ZNF350: variants seen among roughly 807,000 people sequenced by gnomAD.
The protein encoded by ZNF350 is zinc finger protein 350.
ZNF350 carries 5 observed loss-of-function variants against 13.1 expected under a neutral mutation model. The observed-to-expected ratio is 0.38, with a 90% CI of 0.20 to 0.80. ZNF350 has a LOEUF of 0.80. Among genes scored for constraint, ZNF350 ranks in the 30% least tolerant of loss-of-function variants. The pLI is 0.43. For missense variants in ZNF350, 534 were observed against 644.2 expected (o/e 0.83, Z 1.85); for synonymous variants, 199 against 224.2 (o/e 0.89, Z 1.00).
At chr19:51,967,419 T>G (rs1314444705) in intron 4 of ZNF350, 1 of 151,670 alleles carries the variant, frequency 6.6e-6, no homozygotes, top group Admixed American at 6.6e-5. Flanking sequence ...AAAAATAAAT[T>G]AATAAAAATA....
In ZNF350 at chr19:51,965,080, T is replaced by A. The variant is rs200076630; in HGVS notation, c.1373A>T (p.Asn458Ile). ...SDVMQEKNSA[N>I]GATTQVPSVA... ...AGAAGGCACTTGTGTAGTCGCCCCG[T>A]TAGCAGAGTTTTTCTCCTGCATGAC... Residue 458 changes from asparagine (N) to isoleucine (I), a missense_variant, in exon 5 of 5, where the codon AAC (asparagine) becomes ATC (isoleucine). Coordinates refer to ENST00000243644, the MANE Select transcript of ZNF350 (RefSeq NM_021632.4). 6 of 1,614,198 alleles carry A rather than the reference T, an allele frequency of 3.7e-6. No homozygotes were observed. Among genetic ancestry groups the A allele is most frequent in the Non-Finnish European group, 4.2e-6 (5 of 1,180,040 alleles).
Position 51,965,658 on chromosome 19 carries a change from A to T in ZNF350, c.795T>A (p.Pro265=), listed in dbSNP as rs1474400420. ...TCTTGAGAAAGGCTTTGCCACATTC[A>T]GGGCATTCATAAGGTTTTTCTCCTG... The part of the protein sequence containing the change: ...THTGEKPYEC[P]ECGKAFLKKS... The change falls in exon 5 of 5, where the codon CCT becomes CCA. Residue 265 remains proline, a synonymous_variant. Coordinates refer to ENST00000243644, the MANE Select transcript of ZNF350 (RefSeq NM_021632.4). 1 of 1,614,190 alleles carries T rather than the reference A, an allele frequency of 6.2e-7. No homozygotes were observed. The highest frequency in any genetic ancestry group is 8.5e-7 in the Non-Finnish European group (1 of 1,180,034).
In ZNF350 at chr19:51,965,086, G is replaced by C. The variant is rs745878690; in HGVS notation, c.1367C>G (p.Ser456Cys). The change falls in exon 5 of 5, where the codon TCT (serine) becomes TGT (cysteine). Residue 456 changes from serine (S) to cysteine (C), a missense_variant. Transcript: ENST00000243644. ...HTSDVMQEKN[S>C]ANGATTQVPS... ...CACTTGTGTAGTCGCCCCGTTAGCA[G>C]AGTTTTTCTCCTGCATGACATCACT... The C allele has an allele frequency of 9.0e-5, 145 of 1,614,060 alleles. No homozygotes were observed. Among genetic ancestry groups the C allele is most frequent in the Non-Finnish European group, 1.2e-4 (143 of 1,180,046 alleles).
chr19:51,970,020 G>A (rs1296847265), intron 2 of ZNF350, among the ~76,000 whole-genome samples: 1 of 149,962 alleles, frequency 6.7e-6, no homozygotes, highest in East Asian at 2.0e-4. Context: ...AGCCTCCCAA[G>A]TAGCTAGGAC....
chr19:51,978,677 C>G (rs2085957217), intron 1 of ZNF350, among the ~76,000 whole-genome samples: 1 of 152,056 alleles, frequency 6.6e-6, no homozygotes, highest in Admixed American at 6.5e-5. Flanking sequence ...GCTGATGTGT[C>G]AGTCATATCT....
In ZNF350 at chr19:51,976,113, G is replaced by A. The variant is rs139057962; in HGVS notation, c.-171-1582C>T. Among the ~76,000 whole-genome samples, 21 of 146,438 alleles carry A rather than the reference G, an allele frequency of 1.4e-4. No homozygotes were observed. The highest frequency in any genetic ancestry group is 2.6e-4 in the Non-Finnish European group (17 of 65,798). ...GACCCCTGGCGCCGTTATCTACTGCGACATCTAGAGAATGCAGTCTTGCAA... is the reference window on the plus strand; with the variant it reads ...GACCCCTGGCGCCGTTATCTACTGCAACATCTAGAGAATGCAGTCTTGCAA... On this transcript the variant is annotated intron_variant, in intron 1 of 4. Transcript: ENST00000243644. This position sits in a 1 kb window ranked among gnomAD's most constrained non-coding sequence, Gnocchi z 4.5.
At position 51,986,758 on chromosome 19, in the gene ZNF350, C is replaced by G. The variant is rs2086165622; in HGVS notation, c.-172+12G>C. The G allele has an allele frequency of 6.6e-6, 1 of 152,602 alleles. No homozygotes were observed. The highest frequency in any genetic ancestry group is 6.5e-5 in the Admixed American group (1 of 15,274). The allele number at this position is 152,602 out of a possible 1,614,324, so 9.5% of individuals were successfully genotyped here. A position where few individuals can be genotyped will look rare whatever the true frequency, so the allele number is the denominator to read the frequency against. Reference sequence around the variant, plus strand: ...GGACAAAAAACTTTCAGGGACAAAACCACACACTGACCTCTATTTTCTCCA... The same window carrying G: ...GGACAAAAAACTTTCAGGGACAAAAGCACACACTGACCTCTATTTTCTCCA... On this transcript the variant is annotated intron_variant, in intron 1 of 4. Transcript: ENST00000243644.
In ZNF350 at chr19:51,965,009, T is replaced by C. The variant is rs2085523491; in HGVS notation, c.1444A>G (p.Arg482Gly). ...SLNISGLLAN[R>G]NVVLVGQPVV... is the part of the protein sequence containing the mutation. ...GGCTGTCCCACAAGGACTACGTTCC[T>C]GTTTGCGAGGAGGCCGCTGATGTTT... Residue 482 changes from arginine (R) to glycine (G), a missense_variant, in exon 5 of 5, where the codon AGG becomes GGG. Coordinates refer to ENST00000243644, the MANE Select transcript of ZNF350 (RefSeq NM_021632.4). 3.1e-6 allele frequency: 5 copies of C among 1,614,232 alleles called. No homozygotes were observed. Among genetic ancestry groups the C allele is most frequent in the Admixed American group, 1.7e-5 (1 of 60,028 alleles).
intron 4 of ZNF350, chr19:51,968,352 C>G (rs934786362): frequency 4.0e-5 from 22 of 546,672 alleles, no homozygotes; most frequent in African/African-American, 3.9e-4. Context: ...GGCAAACAAA[C>G]AATATGTAGA....
chr19:51,979,805 A>G (rs1413736242), intron 1 of ZNF350, among the ~76,000 whole-genome samples: 7 of 152,232 alleles, frequency 4.6e-5, no homozygotes, highest in Non-Finnish European at 8.8e-5. Flanking sequence ...TCATGGCACA[A>G]ACTTCACTGG....
At chr19:51,973,669 A>G (rs1474047996) in intron 2 of ZNF350, 1 of 152,248 alleles carries the variant, frequency 6.6e-6, no homozygotes. Flanking sequence ...ATCTATATTC[A>G]AACACCAGTT....
chr19:51,968,060 C>T (rs2085628326), intron 4 of ZNF350, among the ~76,000 whole-genome samples: 1 of 152,010 alleles, frequency 6.6e-6, no homozygotes, highest in Non-Finnish European at 1.5e-5. Flanking sequence ...GAGAACGGGA[C>T]CTTTGGAGAA....
At position 51,965,705 on chromosome 19, in the gene ZNF350, T is replaced by G. The variant is rs1306193748; in HGVS notation, c.748A>C (p.Thr250Pro). 6.2e-7 allele frequency: 1 copy of G among 1,614,116 alleles called. No homozygotes were observed. The highest frequency in any genetic ancestry group is 8.5e-7 in the Non-Finnish European group (1 of 1,180,048). Residue 250 changes from threonine to proline, a missense_variant, in exon 5 of 5, where the codon ACT becomes CCT. Transcript: ENST00000243644. ...EKAFSRKFML[T>P]EHQRTHTGEK... ...CCTGTATGAGTTCGCTGATGTTCAG[T>G]AAGCATGAACTTTCTGGAGAAGGCT...
At chr19:51,985,379 AAATT>A (rs2086140147) in intron 1 of ZNF350, among the ~76,000 whole-genome samples, 1 of 152,228 alleles carries the variant, frequency 6.6e-6, no homozygotes, top group Non-Finnish European at 1.5e-5. Flanking sequence ...GTAAGACAGA[AAATT>A]AATGTTATTT....
chr19:51,986,693 C>T (rs1006269808), intron 1 of ZNF350, 77 bp downstream of exon 1: 1 of 152,406 alleles, frequency 6.6e-6, no homozygotes, highest in Non-Finnish European at 1.5e-5. Flanking sequence ...ACCACGTCCT[C>T]AGATCTCCCA....
intron 4 of ZNF350, among the ~76,000 whole-genome samples, chr19:51,967,772 C>T (rs2085620693): frequency 6.6e-6 from 1 of 152,134 alleles, no homozygotes; most frequent in Non-Finnish European, 1.5e-5. Context: ...GAGAGCTCTT[C>T]AGGCAGGTAA....
In ZNF350 at chr19:51,964,428, G is replaced by A. The variant is rs2085509658; in HGVS notation, c.*426C>T. 2 of 166,896 alleles carry A rather than the reference G, an allele frequency of 1.2e-5. No homozygotes were observed. Among genetic ancestry groups the A allele is most frequent in the Admixed American group, 6.1e-5 (1 of 16,320 alleles). 10.3% of individuals were successfully genotyped at this position (166,896 alleles called of 1,614,324 possible). A position where few individuals can be genotyped will look rare whatever the true frequency, so the allele number is the denominator to read the frequency against. On this transcript the variant is annotated 3_prime_UTR_variant, in exon 5 of 5. Transcript: ENST00000243644. ...CAAAGTTCTGAAAGTTTATGGTCCT[G>A]GTTTTCAATTAATCCTCCACACTGG...
intron 2 of ZNF350, chr19:51,973,972 G>C (rs941127208): frequency 5.7e-6 from 1 of 174,914 alleles, no homozygotes; most frequent in Admixed American, 5.7e-5. Flanking sequence ...AGACCAAAGT[G>C]CCATGAAATA....
In ZNF350 at chr19:51,965,884, T is replaced by C; in HGVS notation, c.569A>G (p.Gln190Arg). ...ASQKLISTKS[Q>R]FISPKHQKTR... ...TTTCTGATGCTTGGGACTGATGAAT[T>C]GGGACTTAGTGCTGATGAGTTTTTG... is the stretch of plus-strand genomic sequence containing the variant. Residue 190 changes from glutamine (Q) to arginine (R), a missense_variant, in exon 5 of 5, where the codon CAA becomes CGA. Transcript: ENST00000243644. 6.2e-7 allele frequency: 1 copy of C among 1,614,126 alleles called. No homozygotes were observed. The highest frequency in any genetic ancestry group is 8.5e-7 in the Non-Finnish European group (1 of 1,180,034).
Sources: gnomAD v4.1 joint callset for allele counts (sites outside exome capture counted in the v4.1 genomes callset) on GRCh38, gnomAD v4.1.1 for gene constraint, Gnocchi (gnomAD v3.1) non-coding constraint, MANE v1.5 for transcripts, NCBI Gene and HGNC (gene_info 2026-07-23, HGNC 2026-07-21) for gene names.